Variants in ARSL observed in about 807,000 individuals in gnomAD.
ARSL encodes arylsulfatase E (chondrodysplasia punctata 1).
A neutral mutation model predicts 31.1 loss-of-function variants in ARSL; 4 were observed. The observed-to-expected ratio is 0.13, with a 90% CI of 0.06 to 0.29. The LOEUF (loss-of-function observed/expected upper bound fraction) is 0.29. Among genes scored for constraint, ARSL ranks in the 10% least tolerant of loss-of-function variants. ARSL has a pLI of 1.00. For synonymous variants in ARSL, 198 were observed against 209.9 expected (o/e 0.94, Z 0.49); for missense variants, 312 against 497.8 (o/e 0.63, Z 3.55).
At chrX:2,939,627 C>G (rs1289048025) in intron 8 of ARSL, among the ~76,000 whole-genome samples, 2 of 110,627 alleles carry the variant, frequency 1.8e-5, no homozygotes, top group Non-Finnish European at 3.8e-5. Flanking sequence ...TACTTCAAAG[C>G]AAATATACAT....
At chrX:2,952,810 T>A (rs935964403) in intron 5 of ARSL, 1 of 171,045 alleles carries the variant, frequency 5.8e-6, no homozygotes, top group African/African-American at 3.1e-5. Flanking sequence ...TTTTATTTAT[T>A]TTTTAATTTA....
chrX:2,944,094 G>T (rs1163803024), intron 7 of ARSL, among the ~76,000 whole-genome samples: 1 of 110,459 alleles, frequency 9.1e-6, no homozygotes, highest in Non-Finnish European at 1.9e-5. Flanking sequence ...TGGGAGGATT[G>T]CTTGAGCCTG....
At chrX:2,959,606 A>G (rs2089575206) in intron 2 of ARSL, 2 of 1,148,799 alleles carry the variant, frequency 1.7e-6, no homozygotes, top group East Asian at 6.5e-5. Context: ...TGCCCACCTG[A>G]TTTGCAGAGA....
chrX:2,943,418 G>T lies in ARSL; in HGVS notation c.992-219C>A, dbSNP rs211643. Among the ~76,000 whole-genome samples, 1 of 109,889 alleles carries T rather than the reference G, an allele frequency of 9.1e-6. No individual in the cohort carries two copies. Among genetic ancestry groups the T allele is most frequent in the East Asian group, 2.8e-4 (1 of 3,520 alleles). ...TCCTTTGGTCAGAATTTTAGGCAAC[G>T]TACAAGGACAAAATATCAAAAACTT... is the stretch of plus-strand genomic sequence containing the variant. On this transcript the variant is annotated intron_variant, in intron 7 of 10. Transcript: ENST00000381134.
chrX:2,954,809 G>A (rs777526957), intron 4 of ARSL, among the ~76,000 whole-genome samples: 1 of 111,579 alleles, frequency 9.0e-6, no homozygotes, highest in South Asian at 3.8e-4. Context: ...GGTTGGTCAG[G>A]AGGCAGAGGG....
chrX:2,937,877 G>C lies in ARSL; in HGVS notation c.1289+218C>G, dbSNP rs192265966. ...TGAGTTGGTCTAGTGATCATTTCCAGCCTTCTCCCCGTATCTGGTTACAGA... is the reference window on the plus strand; with the variant it reads ...TGAGTTGGTCTAGTGATCATTTCCACCCTTCTCCCCGTATCTGGTTACAGA... On this transcript the variant is annotated intron_variant, in intron 9 of 10. Transcript: ENST00000381134. Among the ~76,000 whole-genome samples the C allele has an allele frequency of 5.7e-4, 64 of 111,882 alleles. No individual in the cohort carries two copies. The East Asian group carries it at 0.012, about 20-fold the overall frequency.
Position 2,943,150 on chromosome X carries a change from G to A in ARSL, c.1041C>T (p.Leu347=). The stretch of plus-strand genomic sequence containing the variant: ...CGCCGTGATCCGACGTAAAATAAAT[G>A]AGGGTGCTGTTGCTCAAACCCTCCA... ...LDVEGLSNST[L]IYFTSDHGGS... is the part of the protein sequence containing the mutation. Residue 347 remains leucine, a synonymous_variant, in exon 8 of 11, where the codon CTC becomes CTT. Transcript: ENST00000381134. The A allele has an allele frequency of 8.3e-7, 1 of 1,211,374 alleles. No homozygotes were observed. The highest frequency in any genetic ancestry group is 1.1e-6 in the Non-Finnish European group (1 of 895,444).
intron 1 of ARSL, among the ~76,000 whole-genome samples, chrX:2,961,752 T>C (rs188079075): frequency 1.0e-3 from 112 of 111,397 alleles, no homozygotes; most frequent in African/African-American, 3.4e-3. Flanking sequence ...TAGGAAACAA[T>C]TGTCATCTAT....
intron 7 of ARSL, among the ~76,000 whole-genome samples, chrX:2,944,263 G>A (rs981579876): frequency 3.7e-5 from 4 of 109,163 alleles, no homozygotes; most frequent in East Asian, 2.9e-4. Flanking sequence ...AGACCAGCCT[G>A]GCCAACATGG....
intron 7 of ARSL, 93 bp from the exon 8 acceptor site, chrX:2,943,292 A>C: frequency 9.4e-7 from 1 of 1,065,245 alleles, no homozygotes; most frequent in Non-Finnish European, 1.3e-6. Flanking sequence ...GGGGCTAGCC[A>C]CAAGAATGAA....
At chrX:2,943,236 G>GA in intron 7 of ARSL, 37 bp from the exon 8 acceptor site, 1 of 1,205,432 alleles carries the variant, frequency 8.3e-7, no homozygotes. Flanking sequence ...CGTCGAAATG[G>GA]AAAAATATCA....
intron 7 of ARSL, among the ~76,000 whole-genome samples, chrX:2,944,241 G>A (rs1020179378): frequency 9.2e-6 from 1 of 108,875 alleles, no homozygotes; most frequent in African/African-American, 3.3e-5. Flanking sequence ...GGATCACAAG[G>A]TCAGCAGTTC....
At chrX:2,940,971 G>A (rs917419486) in intron 8 of ARSL, among the ~76,000 whole-genome samples, 3 of 111,160 alleles carry the variant, frequency 2.7e-5, no homozygotes, top group Admixed American at 9.7e-5. Context: ...TAAATTTTAC[G>A]AATGAAAATA....
rs199851974 is a variant in ARSL, at chrX:2,958,238, T to C, written c.185+36A>G. The C allele has an allele frequency of 3.8e-4, 454 of 1,205,735 alleles. 2 individuals are homozygous for C. The highest frequency in any genetic ancestry group is 3.6e-3 in the East Asian group (122 of 33,683). Reference sequence around the variant, plus strand: ...GCTTCTCTTTCTTCTGGTGTCTGCATTGGGGGCACCAGGTGAGTAATTCTC... The same window carrying C: ...GCTTCTCTTTCTTCTGGTGTCTGCACTGGGGGCACCAGGTGAGTAATTCTC... On this transcript the variant is annotated intron_variant, in intron 3 of 10. Transcript: ENST00000381134.
chrX:2,938,960 G>A (rs1461007932), intron 8 of ARSL, among the ~76,000 whole-genome samples: 5 of 106,496 alleles, frequency 4.7e-5, no homozygotes, highest in African/African-American at 6.9e-5. Flanking sequence ...TGGAGCCCCC[G>A]GTAACTGGGA....
At position 2,938,715 on chromosome X, in the gene ARSL, A is replaced by C. The variant is rs776916033; in HGVS notation, c.1127-458T>G. On this transcript the variant is annotated intron_variant, in intron 8 of 10. Coordinates refer to ENST00000381134, the MANE Select transcript of ARSL (RefSeq NM_000047.3). ...TATAACGTATTGAACAGTGACCCCA[A>C]AACATGTTCATGTCATATCTCCCAG... Among the ~76,000 whole-genome samples, 23 of 110,208 alleles carry C rather than the reference A, an allele frequency of 2.1e-4. No homozygotes were observed. In the South Asian group the frequency reaches 3.9e-3, roughly 19 times the overall value.
chrX:2,946,017 C>T lies in ARSL; in HGVS notation c.972G>A (p.Glu324=). 1 of 1,211,663 alleles carries T rather than the reference C, an allele frequency of 8.3e-7. No individual in the cohort carries two copies. The highest frequency in any genetic ancestry group is 1.1e-6 in the Non-Finnish European group (1 of 895,409). Residue 324 remains glutamate, a synonymous_variant, in exon 7 of 11, where the codon GAG becomes GAA. Transcript: ENST00000381134. ...ACTTACCTACCATCCAGTCCATCTC[C>T]TCTACGTTGTCCCCATACAGCCCGT... The part of the protein sequence containing the change: ...SLHGLYGDNV[E]EMDWMVGRIL...
intron 4 of ARSL, among the ~76,000 whole-genome samples, chrX:2,954,585 C>T (rs758160574): frequency 6.4e-4 from 71 of 111,754 alleles, no homozygotes; most frequent in Non-Finnish European, 1.1e-3. Flanking sequence ...CATGAGCCAC[C>T]GTGCCCAGCC....
chrX:2,967,798 C>A (rs746687036), upstream of ARSL, among the ~76,000 whole-genome samples: 8 of 111,518 alleles, frequency 7.2e-5, no homozygotes, highest in Non-Finnish European at 1.5e-4. Context: ...CGCCTGGGCC[C>A]TGTTCCCAAA....
Sources: allele counts gnomAD v4.1 joint callset (sites outside exome capture counted in the v4.1 genomes callset), GRCh38; gene constraint gnomAD v4.1.1; transcripts MANE v1.5; gene names NCBI Gene and HGNC (gene_info 2026-07-23, HGNC 2026-07-21).